CLCN7: variants seen among roughly 807,000 people sequenced by gnomAD.
CLCN7 encodes Cl-/H+ antiporter 7, also known as H(+)/Cl(-) exchange transporter 7.
CLCN7 carries 60 observed loss-of-function variants against 102.1 expected under a neutral mutation model. That is an observed-to-expected ratio of 0.59 (90% CI 0.48 to 0.73). The LOEUF is 0.73. CLCN7 is among the 30% of genes least tolerant of loss of function. The pLI is 0.00. For missense variants in CLCN7, 962 were observed against 1,125.7 expected (o/e 0.85, Z 2.08); for synonymous variants, 560 against 490.5 (o/e 1.14, Z -1.87).
Position 1,455,227 on chromosome 16 carries a change from C to T in CLCN7, c.1005G>A (p.Thr335=), listed in dbSNP as rs938409997. The change falls in exon 12 of 25, where the codon ACG becomes ACA. Residue 335 remains threonine, a synonymous_variant. Coordinates refer to ENST00000382745, the MANE Select transcript of CLCN7 (RefSeq NM_001287.6). ...WRIFFASMIS[T]FTLNFVLSIY... ...TGCTCAGAACAAAATTCAGGGTGAA[C>T]GTGGAGATCATGGAAGCAAAGAACT... 15 of 1,613,044 alleles carry T rather than the reference C, an allele frequency of 9.3e-6. No homozygotes were observed. Among genetic ancestry groups the T allele is most frequent in the East Asian group, 2.2e-5 (1 of 44,868 alleles).
intron 1 of CLCN7, among the ~76,000 whole-genome samples, chr16:1,470,100 T>C (rs954254303): frequency 3.3e-5 from 5 of 152,198 alleles, no homozygotes; most frequent in East Asian, 3.9e-4. Context: ...AAGGAATGGG[T>C]TGTGTAACAC....
chr16:1,450,500 C>A lies in CLCN7; in HGVS notation c.1614G>T (p.Ala538=). The A allele has an allele frequency of 6.2e-7, 1 of 1,600,066 alleles. No homozygotes were observed. The highest frequency in any genetic ancestry group is 2.3e-5 in the East Asian group (1 of 44,348). ...FGISLSYLTG[A]AIWADPGKYA... ...CCTCCCCTCCGGCCCCACTCACCGCCGCCCCCGTGAGGTAGGACAGGGAGA... is the reference window on the plus strand; with the variant it reads ...CCTCCCCTCCGGCCCCACTCACCGCAGCCCCCGTGAGGTAGGACAGGGAGA... Residue 538 remains alanine (A), a synonymous_variant, in exon 17 of 25, where the codon GCG becomes GCT. Coordinates refer to ENST00000382745, the MANE Select transcript of CLCN7 (RefSeq NM_001287.6).
At chr16:1,458,077 G>A (rs2038867460) in intron 7 of CLCN7, among the ~76,000 whole-genome samples, 1 of 152,164 alleles carries the variant, frequency 6.6e-6, no homozygotes, top group African/African-American at 2.4e-5. Context: ...GCCTCCGCCA[G>A]CGTGGCCAGC....
rs2038864711 is a variant in CLCN7 at position 1,457,951 on chromosome 16, A to G, written c.676-195T>C. ...TAAACAGCAGCCAAGCGTCCCCCGC[A>G]CTCACTCGGGGGACCTGCCCTCTGT... On this transcript the variant is annotated intron_variant, in intron 7 of 24. Transcript: ENST00000382745. This position sits in a 1 kb window ranked among gnomAD's most constrained non-coding sequence, Gnocchi z 5.4. 6.6e-6 allele frequency among the ~76,000 whole-genome samples: 1 copy of G among 152,132 alleles called. No homozygotes were observed. The highest frequency in any genetic ancestry group is 2.1e-4 in the South Asian group (1 of 4,832).
At chr16:1,467,570 C>T (rs1433620724) in intron 1 of CLCN7, 2 of 152,446 alleles carry the variant, frequency 1.3e-5, no homozygotes, top group African/African-American at 4.8e-5. Flanking sequence ...GGCCTCTGAC[C>T]CCCACCTCCC....
At chr16:1,451,812 T>C in intron 15 of CLCN7, 96 bp from the exon 16 acceptor site, 1 of 1,004,176 alleles carries the variant, frequency 1.0e-6, no homozygotes. Context: ...GTGTACCCTG[T>C]GCCTGGCCAG....
intron 1 of CLCN7, 40 bp from the exon 2 acceptor site, chr16:1,465,378 G>T (rs180834799): frequency 6.5e-7 from 1 of 1,549,264 alleles, no homozygotes; most frequent in East Asian, 2.3e-5. Flanking sequence ...CTCAGGCGTC[G>T]CACGCTCTGC....
chr16:1,466,219 C>T (rs1164238932), intron 1 of CLCN7, among the ~76,000 whole-genome samples: 1 of 152,250 alleles, frequency 6.6e-6, no homozygotes, highest in East Asian at 1.9e-4. Flanking sequence ...CGGCTGGTAC[C>T]GGCCGTGGGA....
chr16:1,458,038 G>A (rs1290016684), intron 7 of CLCN7, among the ~76,000 whole-genome samples: 1 of 140,420 alleles, frequency 7.1e-6, no homozygotes, highest in Non-Finnish European at 1.5e-5. Context: ...GCAAAGCTGG[G>A]CCGCCCACCG....
Position 1,448,670 on chromosome 16 carries a change from G to A in CLCN7, c.1883+11C>T. On this transcript the variant is annotated intron_variant, in intron 20 of 24. Transcript: ENST00000382745. ...CACCCTCCCCACCCACAGGTGTCCT[G>A]GGCGCTGTACCTGGCAGTGAGTGAG... 1 of 1,612,494 alleles carries A rather than the reference G, an allele frequency of 6.2e-7. No homozygotes were observed. Among genetic ancestry groups the A allele is most frequent in the African/African-American group, 1.3e-5 (1 of 75,048 alleles).
At position 1,448,448 on chromosome 16, in the gene CLCN7, CCG is replaced by C; in HGVS notation, c.1918_1919del (p.Arg640AlafsTer2). ...VMSTPVTCLR[R>X]REKVGVIVDV... is the part of the protein sequence containing the mutation. ...CCACAATGACGCCGACCTTCTCACG[CCG>C]CCTCAGGCAGGTCACTGGTGTGCTC... On this transcript the variant is annotated frameshift_variant, in exon 21 of 25. Transcript: ENST00000382745. LOFTEE classifies it high-confidence loss of function. 1 of 1,611,778 alleles carries C rather than the reference CCG, an allele frequency of 6.2e-7. No individual in the cohort carries two copies. The highest frequency in any genetic ancestry group is 8.5e-7 in the Non-Finnish European group (1 of 1,179,966).
chr16:1,463,719 A>C (rs147296981), intron 2 of CLCN7, among the ~76,000 whole-genome samples: 1 of 151,678 alleles, frequency 6.6e-6, no homozygotes, highest in Non-Finnish European at 1.5e-5. Flanking sequence ...CCTGGGCTGC[A>C]GCCTTGGTTT....
chr16:1,454,245 C>T (rs1171385122), intron 13 of CLCN7, among the ~76,000 whole-genome samples, 166 bp downstream of exon 13: 1 of 152,234 alleles, frequency 6.6e-6, no homozygotes, highest in African/African-American at 2.4e-5. Flanking sequence ...TTTGGGCTCC[C>T]CACTCCCCAC....
chr16:1,454,790 G>A (rs150581984), intron 12 of CLCN7, among the ~76,000 whole-genome samples: 1 of 152,362 alleles, frequency 6.6e-6, no homozygotes, highest in African/African-American at 2.4e-5. Flanking sequence ...ATGGCACGGA[G>A]AGTCTCCCCA....
In CLCN7 at chr16:1,474,844, GC is replaced by G; in HGVS notation, c.130del (p.Ala44LeufsTer16). 7.2e-7 allele frequency: 1 copy of G among 1,386,510 alleles called. No individual in the cohort carries two copies. The allele number at this position is 1,386,510 out of a possible 1,614,324, so 85.9% of individuals were successfully genotyped here. A position where few individuals can be genotyped will look rare whatever the true frequency, so the allele number is the denominator to read the frequency against. ...TPLLNGAGPG[A>X]ARQSPRSALF... ...CCTGCCCGGCCTCACCTGGCGCGCA[GC>G]CCCAGGCCCAGCCCCGTTCAGCAGC... On this transcript the variant is annotated frameshift_variant, in exon 1 of 25. Coordinates refer to ENST00000382745, the MANE Select transcript of CLCN7 (RefSeq NM_001287.6). LOFTEE classifies it high-confidence loss of function.
intron 1 of CLCN7, among the ~76,000 whole-genome samples, chr16:1,468,400 C>G (rs1203129271): frequency 6.6e-6 from 1 of 152,252 alleles, no homozygotes; most frequent in African/African-American, 2.4e-5. Flanking sequence ...TTCCCAGCAT[C>G]TCTTTCCTTA....
At chr16:1,470,093 G>C (rs1156237655) in intron 1 of CLCN7, among the ~76,000 whole-genome samples, 1 of 152,248 alleles carries the variant, frequency 6.6e-6, no homozygotes, top group African/African-American at 2.4e-5. Context: ...GTTTGGCAAG[G>C]AATGGGTTGT....
chr16:1,471,783 T>C (rs2039081305), intron 1 of CLCN7: 1 of 152,132 alleles, frequency 6.6e-6, no homozygotes, highest in African/African-American at 2.4e-5. Flanking sequence ...GCCTAAGAGG[T>C]GGTGTCTTGG....
At chr16:1,454,897 C>A (rs1181462960) in intron 12 of CLCN7, among the ~76,000 whole-genome samples, 1 of 152,230 alleles carries the variant, frequency 6.6e-6, no homozygotes, top group Non-Finnish European at 1.5e-5. Context: ...GCCCCATGCA[C>A]GCAGCAACTG....
Sources: allele counts gnomAD v4.1 joint callset (sites outside exome capture counted in the v4.1 genomes callset), GRCh38; gene constraint gnomAD v4.1.1; non-coding constraint Gnocchi (gnomAD v3.1); transcripts MANE v1.5; gene names NCBI Gene and HGNC (gene_info 2026-07-23, HGNC 2026-07-21).